The following SDK1 variants were observed in gnomAD, a reference collection of about 807,000 sequenced individuals.
SDK1 encodes protein sidekick-1.
A neutral mutation model predicts 245.5 loss-of-function variants in SDK1; 157 were observed. The observed-to-expected ratio is 0.64, with a 90% CI of 0.56 to 0.73. The LOEUF is 0.73. Among genes scored for constraint, SDK1 ranks in the 30% least tolerant of loss-of-function variants. The pLI is 0.00. For missense variants in SDK1, 3,583 were observed against 3,002.3 expected, an observed-to-expected ratio of 1.19 and a Z score of -4.52; for synonymous variants, 1,647 against 1,278.5, an observed-to-expected ratio of 1.29 and a Z score of -6.15.
intron 4 of SDK1, among the ~76,000 whole-genome samples, chr7:3,726,731 G>C (rs1459642175): frequency 6.6e-6 from 1 of 152,222 alleles, no homozygotes; most frequent in Non-Finnish European, 1.5e-5. Context: ...AATCACAGCA[G>C]ATTTTGACAG....
At chr7:3,796,662 GC>G (rs1583422629) in intron 4 of SDK1, among the ~76,000 whole-genome samples, 1 of 152,194 alleles carries the variant, frequency 6.6e-6, no homozygotes, top group African/African-American at 2.4e-5. Context: ...TCCTTTGGCT[GC>G]CCCCAGGTTT....
At chr7:3,651,897 G>A (rs983170610) in intron 4 of SDK1, among the ~76,000 whole-genome samples, 7 of 152,280 alleles carry the variant, frequency 4.6e-5, no homozygotes, top group South Asian at 2.1e-4. Context: ...ATGGAGTTCC[G>A]TGTCAGCTAA....
intron 27 of SDK1, among the ~76,000 whole-genome samples, chr7:4,131,900 C>A (rs1251779587): frequency 1.3e-5 from 2 of 152,060 alleles, no homozygotes; most frequent in Non-Finnish European, 2.9e-5. Context: ...AACTTCAGGC[C>A]GCCTCATCTA....
intron 22 of SDK1, among the ~76,000 whole-genome samples, chr7:4,109,435 A>T (rs751144993): frequency 6.6e-6 from 1 of 152,118 alleles, no homozygotes; most frequent in Non-Finnish European, 1.5e-5. Flanking sequence ...TCCTCTGCAC[A>T]CTTAGTGAGC....
At chr7:3,927,674 A>G (rs1273302142) in intron 5 of SDK1, among the ~76,000 whole-genome samples, 1 of 152,246 alleles carries the variant, frequency 6.6e-6, no homozygotes, top group Non-Finnish European at 1.5e-5. Flanking sequence ...CTCCTCTGAC[A>G]CTGTCATGTC....
intron 1 of SDK1, among the ~76,000 whole-genome samples, chr7:3,530,955 T>C (rs544892545): frequency 6.6e-6 from 1 of 152,236 alleles, no homozygotes; most frequent in Admixed American, 6.5e-5. Flanking sequence ...ATCGTATAGT[T>C]GATAACGTCT....
chr7:3,770,129 C>A (rs1273414702), intron 4 of SDK1, among the ~76,000 whole-genome samples: 2 of 151,946 alleles, frequency 1.3e-5, no homozygotes, highest in Non-Finnish European at 2.9e-5. Flanking sequence ...GGGATCCTTG[C>A]GGTGATGGAA....
chr7:3,547,651 C>G (rs191624043), intron 1 of SDK1, among the ~76,000 whole-genome samples: 1 of 152,238 alleles, frequency 6.6e-6, no homozygotes, highest in African/African-American at 2.4e-5. Context: ...ATGATACTAC[C>G]CTGGCCCTTC....
chr7:4,049,416 A>C lies in SDK1; in HGVS notation c.2671A>C (p.Asn891His). Residue 891 changes from asparagine (N) to histidine (H), a missense_variant, in exon 18 of 45, where the codon AAC becomes CAC. Transcript: ENST00000404826. ...CTCCACCACCATTCAGTTCCTGTGG[A>C]ACCCTCCGCCTCAGCAGTTTATCAA... ...VNSTTIQFLW[N>H]PPPQQFINGI... 6.2e-7 allele frequency: 1 copy of C among 1,614,132 alleles called. No individual in the cohort carries two copies. The highest frequency in any genetic ancestry group is 1.7e-5 in the Admixed American group (1 of 60,028).
At chr7:4,193,080 T>A (rs1783304889) in intron 35 of SDK1, among the ~76,000 whole-genome samples, 1 of 136,842 alleles carries the variant, frequency 7.3e-6, no homozygotes, top group South Asian at 2.2e-4. Flanking sequence ...ATATAATATA[T>A]AAAATACAAA....
At chr7:3,967,559 ACT>A in intron 10 of SDK1, 125 bp downstream of exon 10, 1 of 666,654 alleles carries the variant, frequency 1.5e-6, no homozygotes, top group Admixed American at 2.5e-5. Flanking sequence ...AGATTAAATA[ACT>A]CTTATTGCAG....
At position 3,988,260 on chromosome 7, in the gene SDK1, C is replaced by G. The variant is rs1001210801; in HGVS notation, c.2131+938C>G. On this transcript the variant is annotated intron_variant, in intron 14 of 44. Transcript: ENST00000404826. The stretch of plus-strand genomic sequence containing the variant: ...TGGTCCCCAATTCCTTTCCCTGGAC[C>G]CCAGCCCCCACCTCCACACCCCCTG... Among the ~76,000 whole-genome samples, 36 of 151,478 alleles carry G rather than the reference C, an allele frequency of 2.4e-4. 1 individual carries two copies. Among genetic ancestry groups the G allele is most frequent in the East Asian group, 7.8e-4 (4 of 5,120 alleles).
At chr7:3,500,467 G>T (rs946762595) in intron 1 of SDK1, among the ~76,000 whole-genome samples, 1 of 152,084 alleles carries the variant, frequency 6.6e-6, no homozygotes, top group Non-Finnish European at 1.5e-5. Context: ...TGAAAGTATT[G>T]CTCCATTGAC....
intron 1 of SDK1, among the ~76,000 whole-genome samples, chr7:3,597,986 T>G (rs1401159047): frequency 6.6e-6 from 1 of 152,228 alleles, no homozygotes; most frequent in East Asian, 1.9e-4. Context: ...ATTGTGTAGG[T>G]ATTTAATTTT....
chr7:3,719,352 A>G (rs1303840755), intron 4 of SDK1, among the ~76,000 whole-genome samples: 1 of 152,064 alleles, frequency 6.6e-6, no homozygotes, highest in Non-Finnish European at 1.5e-5. Flanking sequence ...TCTGAAAAAG[A>G]AGAAAAAAGT....
intron 4 of SDK1, among the ~76,000 whole-genome samples, chr7:3,732,709 A>C (rs1265858036): frequency 6.6e-6 from 1 of 152,242 alleles, no homozygotes; most frequent in East Asian, 1.9e-4. Flanking sequence ...ACATTTAATG[A>C]AATATAATTT....
chr7:3,950,553 C>G (rs1235116486), intron 5 of SDK1, among the ~76,000 whole-genome samples: 3 of 152,114 alleles, frequency 2.0e-5, no homozygotes, highest in Non-Finnish European at 4.4e-5. Flanking sequence ...TCTTAGTGTG[C>G]CTGATTTACA....
intron 1 of SDK1, among the ~76,000 whole-genome samples, chr7:3,337,378 A>G (rs986424333): frequency 7.2e-5 from 11 of 152,126 alleles, no homozygotes; most frequent in African/African-American, 2.7e-4. Context: ...TGGAAAAAAA[A>G]AGTCTCATAG....
chr7:4,105,887 G>A (rs1292069028), intron 22 of SDK1, among the ~76,000 whole-genome samples: 1 of 152,184 alleles, frequency 6.6e-6, no homozygotes, highest in Non-Finnish European at 1.5e-5. Context: ...ACTGCGTGAT[G>A]CCTCCAGGTA....
Sources: gnomAD v4.1 joint callset for allele counts (sites outside exome capture counted in the v4.1 genomes callset) on GRCh38, gnomAD v4.1.1 for gene constraint, MANE v1.5 for transcripts, NCBI Gene and HGNC (gene_info 2026-07-23, HGNC 2026-07-21) for gene names.